The following APC variants were observed in gnomAD, a reference collection of about 807,000 sequenced individuals.
APC encodes the protein APC regulator of Wnt signaling pathway.
A neutral mutation model predicts 247.0 loss-of-function variants in APC; 72 were observed. That is an observed-to-expected ratio of 0.29 (90% CI 0.24 to 0.35). The LOEUF is 0.35. APC is among the 10% of genes least tolerant of loss of function. The probability of loss-of-function intolerance (pLI) is 1.00; values close to 1 mark genes in which losing one functional copy is unlikely to be tolerated. For missense variants in APC, 3,400 were observed against 3,360.7 expected, an observed-to-expected ratio of 1.01 and a Z score of -0.29; for synonymous variants, 1,254 against 1,162.5, an observed-to-expected ratio of 1.08 and a Z score of -1.60.
intron 1 of APC, among the ~76,000 whole-genome samples, chr5:112,751,100 A>G (rs1338386668): frequency 6.6e-6 from 1 of 152,052 alleles, no homozygotes; most frequent in Non-Finnish European, 1.5e-5. Context: ...AAAAACTTTT[A>G]ATTTTAAATA....
upstream of APC, among the ~76,000 whole-genome samples, chr5:112,733,410 A>G (rs941601136): frequency 6.6e-6 from 1 of 152,156 alleles, no homozygotes; most frequent in Non-Finnish European, 1.5e-5. Context: ...TTAAGAGTGG[A>G]AGAGGGAGGC....
Position 112,840,703 on chromosome 5 carries a change from A to C in APC, c.5109A>C (p.Gly1703=). Residue 1703 remains glycine (G), a synonymous_variant, in exon 16 of 16, where the codon GGA becomes GGC. Coordinates refer to ENST00000257430, the MANE Select transcript of APC (RefSeq NM_000038.6). This position sits in a 1 kb window ranked among gnomAD's most constrained non-coding sequence, Gnocchi z 4.1. ...EGRSTDEAQG[G]KTSSVTIPEL... is the part of the protein sequence containing the mutation. ...GAAGTACAGATGAGGCTCAAGGAGG[A>C]AAAACCTCATCTGTAACCATACCTG... 1 of 1,614,102 alleles carries C rather than the reference A, an allele frequency of 6.2e-7. No individual in the cohort carries two copies. The highest frequency in any genetic ancestry group is 8.5e-7 in the Non-Finnish European group (1 of 1,179,978).
chr5:112,823,266 A>G (rs533374832), intron 11 of APC: 1 of 152,780 alleles, frequency 6.5e-6, no homozygotes, highest in African/African-American at 2.4e-5. Context: ...GGATTTCAAA[A>G]TAAAACCTAG....
At position 112,843,463 on chromosome 5, in the gene APC, A is replaced by C. The variant is rs775126492; in HGVS notation, c.7869A>C (p.Thr2623=). 2 of 1,614,000 alleles carry C rather than the reference A, an allele frequency of 1.2e-6. No homozygotes were observed. The highest frequency in any genetic ancestry group is 2.2e-5 in the East Asian group (1 of 44,882). ...RKIKENEFSP[T]NSTSQTVSSG... ...TAAAAGAAAATGAATTTTCTCCCACAAATAGTACTTCTCAGACCGTTTCCT... is the reference window on the plus strand; with the variant it reads ...TAAAAGAAAATGAATTTTCTCCCACCAATAGTACTTCTCAGACCGTTTCCT... Residue 2623 remains threonine (T), a synonymous_variant, in exon 16 of 16, where the codon ACA becomes ACC. Coordinates refer to ENST00000257430, the MANE Select transcript of APC (RefSeq NM_000038.6). The surrounding 1 kb of genome is among the most constrained non-coding windows in gnomAD (Gnocchi z 4.8).
intron 1 of APC, among the ~76,000 whole-genome samples, chr5:112,721,907 A>G (rs1012661568): frequency 1.3e-5 from 2 of 152,098 alleles, no homozygotes; most frequent in African/African-American, 4.8e-5. Context: ...AAAATCTCCT[A>G]ATGTTTTAAG....
At chr5:112,815,124 T>C (rs1235013866) in intron 8 of APC, among the ~76,000 whole-genome samples, 1 of 152,252 alleles carries the variant, frequency 6.6e-6, no homozygotes, top group Non-Finnish European at 1.5e-5. Context: ...TACTTAGTTT[T>C]CTGGCAATTT....
chr5:112,799,506 A>G (rs1194919854), intron 7 of APC, among the ~76,000 whole-genome samples: 5 of 152,048 alleles, frequency 3.3e-5, no homozygotes, highest in African/African-American at 4.8e-5. Flanking sequence ...CCACTGTCTC[A>G]CACTTATATT....
intron 11 of APC, 149 bp downstream of exon 11, chr5:112,822,140 T>A (rs1023397928): frequency 9.5e-6 from 6 of 631,750 alleles, no homozygotes; most frequent in Non-Finnish European, 1.7e-5. Flanking sequence ...GCTTCCTCTG[T>A]GTAGCAAAAA....
chr5:112,728,082 A>T (rs528740166), intron 1 of APC, among the ~76,000 whole-genome samples: 2 of 146,434 alleles, frequency 1.4e-5, no homozygotes, highest in African/African-American at 5.0e-5. Flanking sequence ...TTTTTTTGCA[A>T]TTTTTTTTTT....
intron 9 of APC, among the ~76,000 whole-genome samples, chr5:112,818,057 C>G (rs912971557): frequency 6.6e-6 from 1 of 152,330 alleles, no homozygotes; most frequent in East Asian, 1.9e-4. Context: ...GGTCTCTCCC[C>G]ACTAGATTCC....
intron 1 of APC, among the ~76,000 whole-genome samples, chr5:112,739,809 C>A (rs1017153233): frequency 6.6e-6 from 1 of 152,322 alleles, no homozygotes; most frequent in African/African-American, 2.4e-5. Flanking sequence ...TAATATTACT[C>A]AGTTCTTTGA....
chr5:112,772,263 A>G (rs185457081), intron 4 of APC, among the ~76,000 whole-genome samples: 1 of 152,164 alleles, frequency 6.6e-6, no homozygotes, highest in African/African-American at 2.4e-5. Flanking sequence ...GCCTGTTCTG[A>G]GTCTAGCCTT....
chr5:112,815,897 C>G (rs1485786752), intron 9 of APC, among the ~76,000 whole-genome samples: 2 of 152,172 alleles, frequency 1.3e-5, no homozygotes, highest in African/African-American at 4.8e-5. Context: ...GATTACACCG[C>G]TTTCTAGTGG....
At chr5:112,761,702 G>T (rs1051034359) in intron 2 of APC, among the ~76,000 whole-genome samples, 10 of 152,122 alleles carry the variant, frequency 6.6e-5, no homozygotes, top group African/African-American at 2.4e-4. Context: ...GTCTTAAACA[G>T]AATGCCAAAG....
intron 11 of APC, among the ~76,000 whole-genome samples, chr5:112,823,807 C>T (rs2149797734): frequency 6.6e-6 from 1 of 152,246 alleles, no homozygotes; most frequent in East Asian, 1.9e-4. Flanking sequence ...TAGTGTTTCA[C>T]AAAATACCTA....
At chr5:112,714,275 A>G (rs1751030375) in intron 1 of APC, among the ~76,000 whole-genome samples, 1 of 152,216 alleles carries the variant, frequency 6.6e-6, no homozygotes, top group Non-Finnish European at 1.5e-5. Context: ...ATGTCCTGTG[A>G]TGTTTGGAAT....
At position 112,839,134 on chromosome 5, in the gene APC, T is replaced by C. The variant is rs2149893964; in HGVS notation, c.3540T>C (p.Ser1180=). Residue 1180 remains serine, a synonymous_variant, in exon 16 of 16, where the codon AGT becomes AGC. Coordinates refer to ENST00000257430, the MANE Select transcript of APC (RefSeq NM_000038.6). This position sits in a 1 kb window ranked among gnomAD's most constrained non-coding sequence, Gnocchi z 5.0. ...KRHVDQPIDY[S]LKYATDIPSS... ...ATGTGGATCAGCCTATTGATTATAGTTTAAAATATGCCACAGATATTCCTT... is the reference window on the plus strand; with the variant it reads ...ATGTGGATCAGCCTATTGATTATAGCTTAAAATATGCCACAGATATTCCTT... The C allele has an allele frequency of 6.2e-7, 1 of 1,614,096 alleles. No individual in the cohort carries two copies. Among genetic ancestry groups the C allele is most frequent in the Middle Eastern group, 1.6e-4 (1 of 6,062 alleles).
rs2149969232 is a variant in APC at position 112,842,221 on chromosome 5, T to G, written c.6627T>G (p.Ile2209Met). The change falls in exon 16 of 16, where the codon ATT (isoleucine) becomes ATG (methionine). Residue 2209 changes from isoleucine (I) to methionine (M), a missense_variant. By Grantham distance (10) the Ile-to-Met change is conservative. Coordinates refer to ENST00000257430, the MANE Select transcript of APC (RefSeq NM_000038.6). ...ITGKVRSNSEISGQMKQPLQA... is the reference protein window; with the variant it reads ...ITGKVRSNSEMSGQMKQPLQA... ...GAAAAGTTCGATCTAATTCAGAAAT[T>G]TCAGGCCAAATGAAACAGCCCCTTC... is the stretch of plus-strand genomic sequence containing the variant. The G allele has an allele frequency of 3.7e-6, 6 of 1,613,794 alleles. No homozygotes were observed. The highest frequency in any genetic ancestry group is 5.1e-6 in the Non-Finnish European group (6 of 1,179,758).
At chr5:112,765,223 G>C (rs1404152654) in intron 2 of APC, among the ~76,000 whole-genome samples, 1 of 152,106 alleles carries the variant, frequency 6.6e-6, no homozygotes, top group Non-Finnish European at 1.5e-5. Context: ...TCCTGCCTCA[G>C]CCTCCCAAGT....
Sources: allele counts gnomAD v4.1 joint callset (sites outside exome capture counted in the v4.1 genomes callset), GRCh38; gene constraint gnomAD v4.1.1; non-coding constraint Gnocchi (gnomAD v3.1); transcripts MANE v1.5; gene names NCBI Gene and HGNC (gene_info 2026-07-23, HGNC 2026-07-21).